EDA2R: variants seen among roughly 807,000 people sequenced by gnomAD.
The protein encoded by EDA2R is ectodysplasin A2 receptor, also known as tumor necrosis factor receptor superfamily member 27.
A neutral mutation model predicts 20.1 loss-of-function variants in EDA2R; 26 were observed. The observed-to-expected ratio is 1.30, with a 90% CI of 0.95 to 1.80. The LOEUF (loss-of-function observed/expected upper bound fraction) is 1.80, where lower values mean the gene tolerates loss of function less well. Ranked by LOEUF, EDA2R falls within the 40% of genes most tolerant of loss-of-function variation. The pLI is 0.00. For synonymous variants in EDA2R, 114 were observed against 88.7 expected, an observed-to-expected ratio of 1.29 and a Z score of -1.60; for missense variants, 277 against 228.7, an observed-to-expected ratio of 1.21 and a Z score of -1.36.
chrX:66,627,924 C>T (rs1039402825), intron 1 of EDA2R, among the ~76,000 whole-genome samples: 4 of 111,590 alleles, frequency 3.6e-5, no homozygotes, highest in Non-Finnish European at 7.5e-5. Context: ...CAAGATAGGC[C>T]GTATGATAGG....
chrX:66,613,589 G>A (rs1931160861), intron 2 of EDA2R, among the ~76,000 whole-genome samples: 1 of 111,740 alleles, frequency 8.9e-6, no homozygotes. Context: ...TCTGGGACAT[G>A]GGAATTTGTT....
intron 1 of EDA2R, 27 bp from the exon 2 acceptor site, chrX:66,616,057 C>T: frequency 9.3e-7 from 1 of 1,074,206 alleles, no homozygotes; most frequent in Non-Finnish European, 1.3e-6. Context: ...CAAGAACTAG[C>T]AAGCTAGTGG....
At chrX:66,622,044 T>C (rs1322728971) in intron 1 of EDA2R, among the ~76,000 whole-genome samples, 1 of 111,715 alleles carries the variant, frequency 9.0e-6, no homozygotes, top group African/African-American at 3.3e-5. Flanking sequence ...AAATATAATT[T>C]GATTCATCCA....
chrX:66,629,138 C>T (rs1933450113), intron 1 of EDA2R, among the ~76,000 whole-genome samples: 1 of 111,782 alleles, frequency 8.9e-6, no homozygotes, highest in African/African-American at 3.3e-5. Context: ...CAAAGTCTAG[C>T]ATCCCTTTAT....
intron 1 of EDA2R, among the ~76,000 whole-genome samples, chrX:66,617,189 G>A (rs917850294): frequency 5.4e-5 from 6 of 111,820 alleles, no homozygotes; most frequent in African/African-American, 1.3e-4. Context: ...TACCTTGAGA[G>A]GCCACCACTC....
At chrX:66,600,712 C>A (rs1928430759) in intron 5 of EDA2R, among the ~76,000 whole-genome samples, 1 of 111,865 alleles carries the variant, frequency 8.9e-6, no homozygotes, top group Non-Finnish European at 1.9e-5. Context: ...CCCCTTCATG[C>A]ATGGATCTGG....
At chrX:66,601,777 G>A (rs1928648217) in intron 5 of EDA2R, among the ~76,000 whole-genome samples, 1 of 111,379 alleles carries the variant, frequency 9.0e-6, no homozygotes, top group African/African-American at 3.3e-5. Context: ...ACTGAACCTT[G>A]GTACTCTTGG....
In EDA2R at chrX:66,604,269, T is replaced by C. The variant is rs1025164502; in HGVS notation, c.352+152A>G. On this transcript the variant is annotated intron_variant, in intron 4 of 6. Coordinates refer to ENST00000374719, the MANE Select transcript of EDA2R (RefSeq NM_021783.5). ...AATGATTTGCATAGAGTTGCAAAGA[T>C]AATATGTTGTAAAACCAGACTTCTA... 6 of 376,242 alleles carry C rather than the reference T, an allele frequency of 1.6e-5. No individual in the cohort carries two copies. In the Middle Eastern group the frequency reaches 2.6e-3, roughly 164 times the overall value. 31.0% of individuals were successfully genotyped at this position (376,242 alleles called of 1,213,427 possible).
chrX:66,630,988 TACATAAAAAC>T (rs1164283004), intron 1 of EDA2R, among the ~76,000 whole-genome samples: 1 of 110,004 alleles, frequency 9.1e-6, no homozygotes. Context: ...TGTGTGTATG[TACATAAAAAC>T]ACACGTTTGT....
intron 5 of EDA2R, among the ~76,000 whole-genome samples, chrX:66,601,364 G>A (rs113659646): frequency 3.4e-3 from 382 of 111,877 alleles, no homozygotes; most frequent in African/African-American, 0.012. Context: ...GAGACAGGAA[G>A]GTCTACCTTG....
At chrX:66,624,187 T>A (rs1390748475) in intron 1 of EDA2R, among the ~76,000 whole-genome samples, 2 of 112,046 alleles carry the variant, frequency 1.8e-5, no homozygotes, top group Non-Finnish European at 3.8e-5. Context: ...CAGATCACCA[T>A]CACATCCCTA....
intron 4 of EDA2R, 124 bp from the exon 5 acceptor site, chrX:66,602,921 A>G: frequency 1.6e-6 from 1 of 634,081 alleles, no homozygotes; most frequent in Admixed American, 4.6e-5. Flanking sequence ...TAGGGTGGCT[A>G]TGCTGGTTTT....
At chrX:66,617,384 C>T (rs1414541270) in intron 1 of EDA2R, among the ~76,000 whole-genome samples, 2 of 111,871 alleles carry the variant, frequency 1.8e-5, no homozygotes, top group Middle Eastern at 4.2e-3. Flanking sequence ...TGATTGCTGG[C>T]CCATGGTGTT....
In EDA2R at chrX:66,602,056, T is replaced by C. The variant is rs1164050697; in HGVS notation, c.517+577A>G. Among the ~76,000 whole-genome samples, 5 of 111,930 alleles carry C rather than the reference T, an allele frequency of 4.5e-5. No individual in the cohort carries two copies. In the Admixed American group the frequency reaches 4.7e-4, roughly 11 times the overall value. ...TTGCCAACTACTCTGGACATAGGGC[T>C]TTCAGTTATCCCCATTTGTGAAGTT... On this transcript the variant is annotated intron_variant, in intron 5 of 6. Transcript: ENST00000374719.
chrX:66,637,096 C>T (rs1404647658), intron 1 of EDA2R, among the ~76,000 whole-genome samples: 2 of 111,877 alleles, frequency 1.8e-5, no homozygotes, highest in Non-Finnish European at 3.8e-5. Flanking sequence ...GTGTCTAGCT[C>T]AGAAGGTACA....
At chrX:66,614,912 T>C (rs1379905090) in intron 2 of EDA2R, among the ~76,000 whole-genome samples, 1 of 111,276 alleles carries the variant, frequency 9.0e-6, no homozygotes, top group Non-Finnish European at 1.9e-5. Flanking sequence ...TCATTCACCA[T>C]ACACCCATTG....
intron 1 of EDA2R, among the ~76,000 whole-genome samples, chrX:66,624,877 C>T (rs1242375458): frequency 2.7e-5 from 3 of 112,203 alleles, no homozygotes; most frequent in Middle Eastern, 4.6e-3. Context: ...TAACACACAC[C>T]CACACTGGGG....
intron 1 of EDA2R, among the ~76,000 whole-genome samples, chrX:66,633,052 G>GA (rs201963792): frequency 0.026 from 2,832 of 110,001 alleles, 29 homozygotes; most frequent in South Asian, 0.064. Context: ...GGAAGAAAAA[G>GA]AAAAAAAAAT....
At chrX:66,630,562 A>G (rs1287945344) in intron 1 of EDA2R, among the ~76,000 whole-genome samples, 1 of 111,633 alleles carries the variant, frequency 9.0e-6, no homozygotes, top group Non-Finnish European at 1.9e-5. Flanking sequence ...AAAAAGATAT[A>G]CAAATGGCCA....
Sources: allele counts gnomAD v4.1 joint callset (sites outside exome capture counted in the v4.1 genomes callset), GRCh38; gene constraint gnomAD v4.1.1; transcripts MANE v1.5; gene names NCBI Gene and HGNC (gene_info 2026-07-23, HGNC 2026-07-21).